Variants in CAB39 observed in about 807,000 individuals in gnomAD.
CAB39 encodes the protein calcium binding protein 39.
CAB39 carries 8 observed loss-of-function variants against 40.0 expected under a neutral mutation model. The observed-to-expected ratio is 0.20, with a 90% confidence interval of 0.12 to 0.36. CAB39 has a LOEUF of 0.36. Ranked by LOEUF, CAB39 falls within the 10% of genes least tolerant of loss-of-function variation. CAB39 has a pLI of 1.00. For synonymous variants in CAB39, 156 were observed against 141.6 expected, an observed-to-expected ratio of 1.10 and a Z score of -0.72; for missense variants, 270 against 401.1, an observed-to-expected ratio of 0.67 and a Z score of 2.79.
chr2:230,766,568 C>A (rs999144431), intron 2 of CAB39, among the ~76,000 whole-genome samples: 2 of 152,200 alleles, frequency 1.3e-5, no homozygotes, highest in African/African-American at 2.4e-5. Context: ...CAGGGTCTCA[C>A]TCTATCACTT....
intron 1 of CAB39, among the ~76,000 whole-genome samples, chr2:230,758,802 A>G (rs893731601): frequency 6.6e-6 from 1 of 152,206 alleles, no homozygotes; most frequent in South Asian, 2.1e-4. Context: ...CCACTGATCT[A>G]AGTGATCCAT....
At chr2:230,760,349 CT>C (rs1695267777) in intron 2 of CAB39, among the ~76,000 whole-genome samples, 1 of 152,066 alleles carries the variant, frequency 6.6e-6, no homozygotes, top group Non-Finnish European at 1.5e-5. Context: ...TTTATTTCAT[CT>C]TGAAGTGTTT....
At chr2:230,782,137 A>G (rs1249565292) in intron 2 of CAB39, among the ~76,000 whole-genome samples, 3 of 152,130 alleles carry the variant, frequency 2.0e-5, no homozygotes, top group Middle Eastern at 3.2e-3. Context: ...AAGTGCTAGG[A>G]TTACAGGCAT....
intron 5 of CAB39, among the ~76,000 whole-genome samples, chr2:230,806,880 G>T (rs1696205107): frequency 6.6e-6 from 1 of 152,148 alleles, no homozygotes; most frequent in South Asian, 2.1e-4. Context: ...AGCCCCCTGG[G>T]TTAGCAGGAT....
At chr2:230,780,172 GAGA>G (rs1346828622) in intron 2 of CAB39, among the ~76,000 whole-genome samples, 2 of 152,104 alleles carry the variant, frequency 1.3e-5, no homozygotes, top group Non-Finnish European at 2.9e-5. Context: ...CCAGTGCACA[GAGA>G]GAGCCATCAG....
intron 1 of CAB39, among the ~76,000 whole-genome samples, chr2:230,724,965 G>A (rs1228396020): frequency 6.6e-6 from 1 of 151,900 alleles, no homozygotes; most frequent in African/African-American, 2.4e-5. Context: ...GCATGCAAGA[G>A]CGAGAATCCA....
intron 2 of CAB39, among the ~76,000 whole-genome samples, chr2:230,764,519 A>G (rs762818958): frequency 1.1e-4 from 17 of 152,240 alleles, no homozygotes; most frequent in Non-Finnish European, 1.9e-4. Context: ...GATCACTGAC[A>G]TATACAGATC....
rs143575588 is a variant in CAB39, at chr2:230,816,766, G to C, written c.694-988G>C. ...CGTTTCTCACTGCACTCTCCTGAGA[G>C]AGAGGCACTGTTCCATTATACAGAT... On this transcript the variant is annotated intron_variant, in intron 7 of 8. Coordinates refer to ENST00000258418, the MANE Select transcript of CAB39 (RefSeq NM_016289.4). Among the ~76,000 whole-genome samples, 383 of 152,360 alleles carry C rather than the reference G, an allele frequency of 2.5e-3. 2 individuals carry two copies. Among genetic ancestry groups the C allele is most frequent in the African/African-American group, 8.5e-3 (353 of 41,580 alleles).
At chr2:230,801,960 T>A (rs1250074709) in intron 5 of CAB39, among the ~76,000 whole-genome samples, 1 of 151,730 alleles carries the variant, frequency 6.6e-6, no homozygotes, top group African/African-American at 2.4e-5. Context: ...TATTTGTAAA[T>A]TTTTTTTTCT....
intron 1 of CAB39, among the ~76,000 whole-genome samples, chr2:230,735,403 G>A (rs905361106): frequency 6.6e-6 from 1 of 152,112 alleles, no homozygotes; most frequent in Non-Finnish European, 1.5e-5. Context: ...CTGGCCTCAA[G>A]TGATCCGTCC....
intron 7 of CAB39, among the ~76,000 whole-genome samples, chr2:230,816,711 G>A (rs922465437): frequency 3.3e-5 from 5 of 152,202 alleles, no homozygotes; most frequent in South Asian, 2.1e-4. Context: ...TGCAGATACA[G>A]GCCTGATACG....
chr2:230,766,137 A>T (rs1044390059), intron 2 of CAB39, among the ~76,000 whole-genome samples: 1 of 152,210 alleles, frequency 6.6e-6, no homozygotes, highest in African/African-American at 2.4e-5. Context: ...ATGAAAATCC[A>T]TTACTAATTG....
rs551944126 is a variant in CAB39, at chr2:230,809,425, A to G, written c.568-838A>G. ...TTTAGCAGTGGTACGAAGGACCTCA[A>G]TCCATTAGTTTACCAGCTACTGGCC... On this transcript the variant is annotated intron_variant, in intron 5 of 8. Transcript: ENST00000258418. Among the ~76,000 whole-genome samples, 29 of 152,300 alleles carry G rather than the reference A, an allele frequency of 1.9e-4. No individual in the cohort carries two copies. The East Asian group carries it at 1.9e-3, about 10-fold the overall frequency.
At chr2:230,798,568 G>A (rs1231996184) in intron 4 of CAB39, among the ~76,000 whole-genome samples, 161 bp from the exon 5 acceptor site, 1 of 152,212 alleles carries the variant, frequency 6.6e-6, no homozygotes, top group Non-Finnish European at 1.5e-5. Context: ...CTGAGCACAT[G>A]CTCTGCTCCG....
chr2:230,798,602 C>T (rs1458185237), intron 4 of CAB39, 127 bp from the exon 5 acceptor site: 6 of 688,870 alleles, frequency 8.7e-6, no homozygotes, highest in South Asian at 7.3e-5. Context: ...CTGTAATCTG[C>T]GATGGTCATT....
At chr2:230,769,721 G>A (rs1185937870) in intron 2 of CAB39, among the ~76,000 whole-genome samples, 1 of 151,862 alleles carries the variant, frequency 6.6e-6, no homozygotes, top group Admixed American at 6.6e-5. Flanking sequence ...GCTCATGCCT[G>A]TCATCTTAGC....
At chr2:230,747,218 C>T (rs1351449376) in intron 1 of CAB39, among the ~76,000 whole-genome samples, 1 of 152,136 alleles carries the variant, frequency 6.6e-6, no homozygotes, top group Non-Finnish European at 1.5e-5. Context: ...GAGTGAGACT[C>T]CTTCTCAAAA....
chr2:230,765,605 C>T (rs1163847650), intron 2 of CAB39, among the ~76,000 whole-genome samples: 1 of 151,864 alleles, frequency 6.6e-6, no homozygotes, highest in African/African-American at 2.4e-5. Context: ...TGATAGAAGG[C>T]AAGTTTAGTC....
At chr2:230,804,264 G>A (rs1200901103) in intron 5 of CAB39, among the ~76,000 whole-genome samples, 1 of 152,240 alleles carries the variant, frequency 6.6e-6, no homozygotes, top group African/African-American at 2.4e-5. Flanking sequence ...ATGGATTAAA[G>A]ACTTAAATGT....
Sources: allele counts gnomAD v4.1 joint callset (sites outside exome capture counted in the v4.1 genomes callset), GRCh38; gene constraint gnomAD v4.1.1; transcripts MANE v1.5; gene names NCBI Gene and HGNC (gene_info 2026-07-23, HGNC 2026-07-21).